Variants in ADGRL2 observed in about 807,000 individuals in gnomAD.
ADGRL2 encodes the protein adhesion G protein-coupled receptor L2.
ADGRL2 carries 44 observed loss-of-function variants against 157.4 expected under a neutral mutation model. The observed-to-expected ratio is 0.28, with a 90% confidence interval of 0.22 to 0.36. ADGRL2 has a LOEUF of 0.36. Among genes scored for constraint, ADGRL2 ranks in the 10% least tolerant of loss-of-function variants. The pLI is 1.00. For missense variants in ADGRL2, 1,510 were observed against 1,768.9 expected (o/e 0.85, Z 2.63); for synonymous variants, 585 against 624.7 (o/e 0.94, Z 0.95).
chr1:81,594,202 A>G (rs1001253022), intron 3 of ADGRL2, among the ~76,000 whole-genome samples: 1 of 152,208 alleles, frequency 6.6e-6, no homozygotes, highest in East Asian at 1.9e-4. Context: ...CTTCATCTTT[A>G]TAAATCACTG....
Position 81,310,864 on chromosome 1 carries a change from A to G in ADGRL2, c.-302+4355A>G, listed in dbSNP as rs1343107556. 2.1e-5 allele frequency among the ~76,000 whole-genome samples: 3 copies of G among 146,102 alleles called. 1 individual carries two copies. The East Asian group carries it at 6.0e-4, about 29-fold the overall frequency. ...CTCCTTGAAAGAAAAAAAAAAAAAA[A>G]GGGAGGAGTGGTGAGAAGAGAACAG... On this transcript the variant is annotated intron_variant, in intron 1 of 24. Coordinates refer to the ADGRL2 transcript ENST00000370721.
chr1:81,955,443 A>G (rs962334035), intron 10 of ADGRL2, among the ~76,000 whole-genome samples: 1 of 152,202 alleles, frequency 6.6e-6, no homozygotes, highest in Admixed American at 6.5e-5. Flanking sequence ...TTAATTTTCA[A>G]GCATACATAT....
chr1:81,498,496 C>T (rs1349718742), intron 2 of ADGRL2, among the ~76,000 whole-genome samples: 2 of 152,098 alleles, frequency 1.3e-5, no homozygotes, highest in Non-Finnish European at 2.9e-5. Flanking sequence ...AAGTGCCCAC[C>T]ACAATTTGTC....
chr1:81,958,999 T>C (rs1440906774), intron 11 of ADGRL2, among the ~76,000 whole-genome samples: 1 of 152,216 alleles, frequency 6.6e-6, no homozygotes, highest in East Asian at 1.9e-4. Context: ...CTGAGTATTA[T>C]CCATTGTGAA....
rs373109572 is a variant in ADGRL2, at chr1:81,976,534, T to C, written c.3022-3335T>C. ...GTTATGATTATTTTTCCAATACTTT[T>C]AGTTGTCTTTAAAGGAACTCACTTT... is the stretch of plus-strand genomic sequence containing the variant. On this transcript the variant is annotated intron_variant, in intron 17 of 23. Transcript: ENST00000686636. Among the ~76,000 whole-genome samples, 15 of 152,170 alleles carry C rather than the reference T, an allele frequency of 9.9e-5. No individual in the cohort carries two copies. In the East Asian group the frequency reaches 2.5e-3, roughly 25 times the overall value.
intron 2 of ADGRL2, among the ~76,000 whole-genome samples, chr1:81,788,099 A>C (rs2087143318): frequency 6.6e-6 from 1 of 152,236 alleles, no homozygotes; most frequent in East Asian, 1.9e-4. Context: ...CCACCATTAA[A>C]ATAGAACATA....
intron 1 of ADGRL2, among the ~76,000 whole-genome samples, chr1:81,444,065 G>C (rs2077556528): frequency 6.6e-6 from 1 of 152,216 alleles, no homozygotes; most frequent in African/African-American, 2.4e-5. Context: ...GTTTGCAGAA[G>C]CTGAGAGAAG....
rs1054805390 is a variant in ADGRL2 at position 81,922,659 on chromosome 1, T to C, written c.288-14069T>C. 4.6e-5 allele frequency among the ~76,000 whole-genome samples: 7 copies of C among 152,174 alleles called. No homozygotes were observed. The East Asian group carries it at 1.2e-3, about 25-fold the overall frequency. On this transcript the variant is annotated intron_variant, in intron 3 of 23. Coordinates refer to ENST00000686636, the MANE Select transcript of ADGRL2 (RefSeq NM_001366006.2). The stretch of plus-strand genomic sequence containing the variant: ...CAAAATTACAGGTATTTCTACACTT[T>C]AGGATATAACAGCACGTAATGTCTT...
intron 6 of ADGRL2, among the ~76,000 whole-genome samples, chr1:81,946,161 A>C (rs1315957668): frequency 6.6e-6 from 1 of 152,120 alleles, no homozygotes; most frequent in East Asian, 1.9e-4. Flanking sequence ...ATTTGCTATC[A>C]CATATATGGC....
intron 3 of ADGRL2, among the ~76,000 whole-genome samples, chr1:81,587,053 A>C (rs1012156983): frequency 2.6e-5 from 4 of 152,100 alleles, no homozygotes; most frequent in African/African-American, 9.7e-5. Flanking sequence ...TGAAGACAGG[A>C]GCAAGGAGAG....
chr1:81,557,506 A>AAAGAAAGAG (rs2080331213), intron 2 of ADGRL2: 1 of 99,856 alleles, frequency 1.0e-5, no homozygotes, highest in Non-Finnish European at 2.1e-5. Flanking sequence ...AGAAAGAAAG[A>AAAGAAAGAG]AAGAAAGAAA....
chr1:81,494,609 G>T (rs1424553549), intron 2 of ADGRL2, among the ~76,000 whole-genome samples: 2 of 152,044 alleles, frequency 1.3e-5, no homozygotes, highest in Non-Finnish European at 2.9e-5. Context: ...CCAAAGTGTG[G>T]CCTGATACCC....
At chr1:81,906,562 G>T (rs1485946172) in intron 2 of ADGRL2, among the ~76,000 whole-genome samples, 1 of 152,024 alleles carries the variant, frequency 6.6e-6, no homozygotes, top group African/African-American at 2.4e-5. Context: ...TAAGATGAAG[G>T]TATTTTTTAA....
intron 2 of ADGRL2, among the ~76,000 whole-genome samples, chr1:81,865,392 AT>A (rs2093511153): frequency 6.6e-6 from 1 of 152,146 alleles, no homozygotes; most frequent in Non-Finnish European, 1.5e-5. Context: ...CATCGAAGCT[AT>A]TTTTTGTCAC....
chr1:81,570,916 C>G (rs2080673860), intron 2 of ADGRL2, among the ~76,000 whole-genome samples: 1 of 152,088 alleles, frequency 6.6e-6, no homozygotes, highest in African/African-American at 2.4e-5. Flanking sequence ...AGCTGCACAC[C>G]AGAGAATCCC....
At chr1:81,397,324 T>C (rs1009091197) in intron 1 of ADGRL2, among the ~76,000 whole-genome samples, 1 of 138,310 alleles carries the variant, frequency 7.2e-6, no homozygotes, top group East Asian at 2.1e-4. Context: ...TTTTTTTTTT[T>C]TTTTTTTTTT....
chr1:81,761,849 A>C (rs2085892386), exon 2 of ADGRL2: 1 of 151,994 alleles, frequency 6.6e-6, no homozygotes, highest in South Asian at 2.1e-4. Flanking sequence ...TCTTTCCCAG[A>C]ATGGTAAGTA....
chr1:81,973,909 T>C (rs1183541870), intron 17 of ADGRL2, among the ~76,000 whole-genome samples: 1 of 151,088 alleles, frequency 6.6e-6, no homozygotes, highest in Non-Finnish European at 1.5e-5. Context: ...AATTGAGATA[T>C]GATATGATGA....
At chr1:81,959,713 G>A (rs921364557) in intron 11 of ADGRL2, among the ~76,000 whole-genome samples, 19 of 151,892 alleles carry the variant, frequency 1.3e-4, no homozygotes, top group Admixed American at 2.0e-4. Flanking sequence ...AGATAACAAA[G>A]TGTGTTCACA....
Sources: allele counts gnomAD v4.1 joint callset (sites outside exome capture counted in the v4.1 genomes callset), GRCh38; gene constraint gnomAD v4.1.1; transcripts MANE v1.5; gene names NCBI Gene and HGNC (gene_info 2026-07-23, HGNC 2026-07-21).